The following CTNNA1 variants were observed in gnomAD, a reference collection of about 807,000 sequenced individuals.
CTNNA1 encodes the protein catenin alpha-1.
Under a neutral mutation model 98.4 loss-of-function variants are expected in CTNNA1, and 37 were observed. That is an observed-to-expected ratio of 0.38 (90% CI 0.29 to 0.49). CTNNA1 has a LOEUF of 0.49. Among genes scored for constraint, CTNNA1 ranks in the 20% least tolerant of loss-of-function variants. The pLI is 0.95. For missense variants in CTNNA1, 761 were observed against 1,147.2 expected (o/e 0.66, Z 4.86); for synonymous variants, 404 against 413.2 (o/e 0.98, Z 0.27).
At chr5:138,840,287 C>T (rs1452066724) in intron 7 of CTNNA1, among the ~76,000 whole-genome samples, 3 of 152,192 alleles carry the variant, frequency 2.0e-5, no homozygotes, top group Non-Finnish European at 4.4e-5. Flanking sequence ...CCATTGCTTG[C>T]TCTCTGCCTC....
chr5:138,790,783 A>G (rs917220582), intron 3 of CTNNA1: 11 of 152,220 alleles, frequency 7.2e-5, no homozygotes, highest in African/African-American at 2.7e-4. Flanking sequence ...AAGGTGATTG[A>G]GTGCTGCTGA....
At chr5:138,931,027 C>A (rs1580913000) in intron 16 of CTNNA1, 92 bp downstream of exon 16, 2 of 770,986 alleles carry the variant, frequency 2.6e-6, no homozygotes, top group Admixed American at 4.2e-5. Flanking sequence ...TCATGGGCCA[C>A]AGCACTTTTG....
chr5:138,851,814 G>A (rs1763209905), intron 7 of CTNNA1, among the ~76,000 whole-genome samples: 1 of 151,960 alleles, frequency 6.6e-6, no homozygotes, highest in South Asian at 2.1e-4. Context: ...CCAGTACTAT[G>A]GGAGGCCGAG....
intron 7 of CTNNA1, among the ~76,000 whole-genome samples, chr5:138,879,474 T>G (rs1001816659): frequency 6.8e-6 from 1 of 147,218 alleles, no homozygotes; most frequent in Non-Finnish European, 1.5e-5. Context: ...GTTTTTTTTG[T>G]TTTTTTTTAA....
At chr5:138,920,118 A>G (rs1037635658) in intron 11 of CTNNA1, among the ~76,000 whole-genome samples, 3 of 151,860 alleles carry the variant, frequency 2.0e-5, no homozygotes, top group Non-Finnish European at 4.4e-5. Context: ...AGCTGGGATT[A>G]CAGGTGCTTG....
intron 10 of CTNNA1, among the ~76,000 whole-genome samples, chr5:138,915,289 T>C (rs1761499875): frequency 6.6e-6 from 1 of 152,214 alleles, no homozygotes. Flanking sequence ...AGCCGAAGGA[T>C]CTGAATAGAC....
chr5:138,795,947 C>T (rs1261536957), intron 3 of CTNNA1, among the ~76,000 whole-genome samples: 2 of 152,116 alleles, frequency 1.3e-5, no homozygotes, highest in Non-Finnish European at 2.9e-5. Flanking sequence ...AGTTTGTCTT[C>T]TGTGAATATG....
chr5:138,776,096 G>C (rs2149623137), intron 1 of CTNNA1, among the ~76,000 whole-genome samples: 1 of 150,252 alleles, frequency 6.7e-6, no homozygotes, highest in East Asian at 2.0e-4. Context: ...TCACAGAGGG[G>C]GATTTGGCAG....
At chr5:138,887,788 C>G (rs1380218021) in intron 9 of CTNNA1, 146 bp downstream of exon 9, 9 of 656,264 alleles carry the variant, frequency 1.4e-5, no homozygotes, top group Non-Finnish European at 2.0e-5. Flanking sequence ...TATCACTTAA[C>G]ATCTAAGGAA....
chr5:138,794,975 C>G (rs183600032), intron 3 of CTNNA1, among the ~76,000 whole-genome samples: 12 of 151,730 alleles, frequency 7.9e-5, no homozygotes, highest in Admixed American at 2.0e-4. Flanking sequence ...CATGGTGAAA[C>G]TCTGTCTCTA....
intron 1 of CTNNA1, among the ~76,000 whole-genome samples, chr5:138,775,714 CTTTTTTT>C (rs750615535): frequency 2.1e-3 from 176 of 82,502 alleles, no homozygotes; most frequent in East Asian, 0.014. Context: ...GGAAATATTT[CTTTTTTT>C]TTTTTTTTTT....
intron 3 of CTNNA1, among the ~76,000 whole-genome samples, chr5:138,807,600 G>A (rs1178155698): frequency 6.6e-6 from 1 of 151,982 alleles, no homozygotes; most frequent in Non-Finnish European, 1.5e-5. Flanking sequence ...AGGCAGGGAT[G>A]TTATGTTCAG....
rs140854945 is a variant in CTNNA1 at position 138,868,418 on chromosome 5, G to T, written c.1063-17794G>T. Among the ~76,000 whole-genome samples the T allele has an allele frequency of 5.6e-3, 851 of 152,334 alleles. 6 individuals are homozygous for T. The highest frequency in any genetic ancestry group is 9.8e-3 in the Non-Finnish European group (665 of 68,010). ...ATGTAGGGATCTTCATGGTCCTAGT[G>T]TGTAAGCACCTGTGGGACCTCCCTC... On this transcript the variant is annotated intron_variant, in intron 7 of 17. Transcript: ENST00000302763.
chr5:138,905,957 T>C (rs764393465), intron 10 of CTNNA1, among the ~76,000 whole-genome samples: 1 of 152,226 alleles, frequency 6.6e-6, no homozygotes, highest in Non-Finnish European at 1.5e-5. Flanking sequence ...ATAGAGGTCA[T>C]AGGAATGAAG....
chr5:138,890,939 A>G (rs774725251), intron 9 of CTNNA1, among the ~76,000 whole-genome samples: 4 of 152,196 alleles, frequency 2.6e-5, no homozygotes, highest in Admixed American at 6.5e-5. Flanking sequence ...CCCATCTTAA[A>G]GGTATGTGGA....
intron 7 of CTNNA1, among the ~76,000 whole-genome samples, chr5:138,834,388 T>G (rs1187767934): frequency 2.0e-5 from 3 of 152,212 alleles, no homozygotes; most frequent in African/African-American, 7.2e-5. Flanking sequence ...TTACCTTTTC[T>G]TTTTAAAAAT....
intron 11 of CTNNA1, 110 bp from the exon 12 acceptor site, chr5:138,924,400 C>T (rs879776987): frequency 5.6e-5 from 58 of 1,042,428 alleles, no homozygotes; most frequent in Non-Finnish European, 8.2e-5. Context: ...GTAAAACTTT[C>T]AGCACTGTGG....
At chr5:138,888,813 T>A (rs1754709066) in intron 9 of CTNNA1, among the ~76,000 whole-genome samples, 1 of 152,136 alleles carries the variant, frequency 6.6e-6, no homozygotes. Flanking sequence ...GTGCTAGGAT[T>A]ATAGGCGTGA....
chr5:138,879,397 G>T (rs1054049307), intron 7 of CTNNA1, among the ~76,000 whole-genome samples: 1 of 152,094 alleles, frequency 6.6e-6, no homozygotes, highest in African/African-American at 2.4e-5. Flanking sequence ...TAGACTACCA[G>T]AATCTCCATT....
Sources: allele counts gnomAD v4.1 joint callset (sites outside exome capture counted in the v4.1 genomes callset), GRCh38; gene constraint gnomAD v4.1.1; transcripts MANE v1.5; gene names NCBI Gene and HGNC (gene_info 2026-07-23, HGNC 2026-07-21).